MAGI1: variants seen among roughly 807,000 people sequenced by gnomAD.
MAGI1 encodes the protein membrane-associated guanylate kinase, WW and PDZ domain-containing protein 1.
A neutral mutation model predicts 139.9 loss-of-function variants in MAGI1; 58 were observed. The observed-to-expected ratio is 0.41, with a 90% confidence interval of 0.34 to 0.52. MAGI1 has a LOEUF of 0.52. MAGI1 is among the 20% of genes least tolerant of loss of function. The pLI is 0.12. For missense variants in MAGI1, 1,874 were observed against 1,901.6 expected, an observed-to-expected ratio of 0.99 and a Z score of 0.27; for synonymous variants, 812 against 737.9, an observed-to-expected ratio of 1.10 and a Z score of -1.63.
intron 1 of MAGI1, among the ~76,000 whole-genome samples, chr3:65,627,367 T>G (rs17031798): frequency 0.06 from 9,061 of 152,090 alleles, 580 homozygotes; most frequent in African/African-American, 0.16. Context: ...CATGACTATA[T>G]ATAGAACTTT....
chr3:65,689,941 C>A (rs970817102), intron 1 of MAGI1, among the ~76,000 whole-genome samples: 2 of 152,200 alleles, frequency 1.3e-5, no homozygotes, highest in Non-Finnish European at 2.9e-5. Context: ...TCTGGCCGCA[C>A]CACCTCTATT....
chr3:65,502,765 T>G lies in MAGI1; in HGVS notation c.431-9134A>C, dbSNP rs73128923. Among the ~76,000 whole-genome samples the G allele has an allele frequency of 5.5e-3, 843 of 152,182 alleles. 5 individuals carry two copies. Among genetic ancestry groups the G allele is most frequent in the Middle Eastern group, 0.037 (11 of 294 alleles). On this transcript the variant is annotated intron_variant, in intron 2 of 22. Transcript: ENST00000402939. ...CTCCAAATACCATTACATTAGGAAT[T>G]AGGGACCCAAAGGTGAGAGAGGGAG...
intron 1 of MAGI1, among the ~76,000 whole-genome samples, chr3:65,689,958 TG>T (rs551325856): frequency 6.8e-4 from 104 of 152,308 alleles, no homozygotes; most frequent in African/African-American, 2.4e-3. Flanking sequence ...TATTTTCTTC[TG>T]GGGATCTGTA....
chr3:65,593,526 T>C (rs1302176081), intron 2 of MAGI1, among the ~76,000 whole-genome samples: 1 of 152,188 alleles, frequency 6.6e-6, no homozygotes, highest in Admixed American at 6.5e-5. Flanking sequence ...AACTATCTGG[T>C]TGGTGGAAAA....
Position 65,357,101 on chromosome 3 carries a change from G to C in MAGI1, c.3666C>G (p.Thr1222=), listed in dbSNP as rs905520926. The C allele has an allele frequency of 1.4e-5, 22 of 1,613,042 alleles. No individual in the cohort carries two copies. Among genetic ancestry groups the C allele is most frequent in the Non-Finnish European group, 1.7e-5 (20 of 1,179,408 alleles). ...TCACTTCCGGAACACCTTGTGGACC[G>C]GTGGCGGGGCCGTGGCGGTCGCTGC... ...DPSSDRHGPA[T]GPQGVPEVRA... The change falls in exon 23 of 23, where the codon ACC becomes ACG. Residue 1222 remains threonine (T), a synonymous_variant. Transcript: ENST00000402939.
At chr3:65,920,755 GCGCAGTGGCTCA>G (rs1205466372) in intron 1 of MAGI1, among the ~76,000 whole-genome samples, 3 of 152,208 alleles carry the variant, frequency 2.0e-5, no homozygotes, top group African/African-American at 7.2e-5. Context: ...AAATGGCAGG[GCGCAGTGGCTCA>G]CGCCTGTAAT....
At chr3:65,478,846 T>C in intron 3 of MAGI1, 48 bp from the exon 4 acceptor site, 1 of 1,417,808 alleles carries the variant, frequency 7.1e-7, no homozygotes, top group Non-Finnish European at 9.8e-7. Context: ...GAATACTTTG[T>C]GTTTTTTTTT....
chr3:65,473,639 CAAAAA>C (rs35970775), intron 4 of MAGI1, among the ~76,000 whole-genome samples: 4 of 87,358 alleles, frequency 4.6e-5, no homozygotes, highest in African/African-American at 1.4e-4. Flanking sequence ...TACATGTTTA[CAAAAA>C]AAAAAAAAAA....
intron 2 of MAGI1, chr3:65,619,873 C>A: frequency 1.0e-6 from 1 of 985,196 alleles, no homozygotes; most frequent in Non-Finnish European, 1.2e-6. Context: ...TTAGTAGGAA[C>A]ACCATTTCTG....
intron 7 of MAGI1, among the ~76,000 whole-genome samples, chr3:65,443,648 A>G (rs888556593): frequency 2.6e-5 from 4 of 152,112 alleles, no homozygotes; most frequent in African/African-American, 9.7e-5. Flanking sequence ...GCACCATATT[A>G]TTTTACTTGG....
At chr3:65,842,658 G>A (rs2058848946) in intron 1 of MAGI1, among the ~76,000 whole-genome samples, 1 of 152,198 alleles carries the variant, frequency 6.6e-6, no homozygotes, top group Non-Finnish European at 1.5e-5. Flanking sequence ...ACTGCGCCCA[G>A]CCATAAATGT....
chr3:65,652,098 T>A (rs952459923), intron 1 of MAGI1, among the ~76,000 whole-genome samples: 2 of 152,184 alleles, frequency 1.3e-5, no homozygotes, highest in African/African-American at 4.8e-5. Context: ...TGAGAAATGG[T>A]TAAAATGAGT....
At chr3:65,424,549 T>A (rs1946868812) in intron 12 of MAGI1, among the ~76,000 whole-genome samples, 1 of 152,138 alleles carries the variant, frequency 6.6e-6, no homozygotes, top group South Asian at 2.1e-4. Context: ...TTCACTTCCA[T>A]TACTGTTGTG....
At chr3:65,483,146 T>C (rs9881227) in intron 3 of MAGI1, among the ~76,000 whole-genome samples, 60,400 of 152,176 alleles carry the variant, frequency 0.4, 12,512 homozygotes, top group African/African-American at 0.48. Flanking sequence ...TTTGAGTGAA[T>C]TGATTTTTGG....
At chr3:65,658,294 C>A (rs769244098) in intron 1 of MAGI1, among the ~76,000 whole-genome samples, 2 of 152,048 alleles carry the variant, frequency 1.3e-5, no homozygotes, top group Non-Finnish European at 2.9e-5. Context: ...TTAATAAGGA[C>A]GCGATGGACC....
At chr3:65,868,307 G>A (rs2059800214) in intron 1 of MAGI1, among the ~76,000 whole-genome samples, 1 of 152,144 alleles carries the variant, frequency 6.6e-6, no homozygotes, top group East Asian at 1.9e-4. Flanking sequence ...CAAACTAAAT[G>A]CTCTCAGCAA....
intron 1 of MAGI1, among the ~76,000 whole-genome samples, chr3:65,884,965 G>A (rs906759372): frequency 6.6e-6 from 1 of 152,078 alleles, no homozygotes; most frequent in Admixed American, 6.6e-5. Flanking sequence ...TATTCAGAGA[G>A]ATATATAAGG....
intron 1 of MAGI1, among the ~76,000 whole-genome samples, chr3:65,934,207 T>G (rs1206658250): frequency 1.3e-5 from 2 of 151,898 alleles, no homozygotes; most frequent in East Asian, 3.9e-4. Flanking sequence ...ACAAGAATAA[T>G]TAGAGGGTAA....
intron 1 of MAGI1, among the ~76,000 whole-genome samples, chr3:65,757,868 C>T (rs2036686536): frequency 6.6e-6 from 1 of 152,154 alleles, no homozygotes; most frequent in Non-Finnish European, 1.5e-5. Flanking sequence ...GAAAGCAAGA[C>T]AAACTTCAAT....
Sources: gnomAD v4.1 joint callset for allele counts (sites outside exome capture counted in the v4.1 genomes callset) on GRCh38, gnomAD v4.1.1 for gene constraint, MANE v1.5 for transcripts, NCBI Gene and HGNC (gene_info 2026-07-23, HGNC 2026-07-21) for gene names.